RGS7: variants seen among roughly 807,000 people sequenced by gnomAD.
RGS7 encodes regulator of G-protein signaling 7.
Under a neutral mutation model 81.1 loss-of-function variants are expected in RGS7, and 27 were observed. The observed-to-expected ratio is 0.33, with a 90% CI of 0.25 to 0.46. The LOEUF is 0.46. Among genes scored for constraint, RGS7 ranks in the 20% least tolerant of loss-of-function variants. The pLI, the probability that RGS7 is intolerant of heterozygous loss-of-function variation, is 1.00. For synonymous variants in RGS7, 208 were observed against 207.7 expected (o/e 1.00, Z -0.01); for missense variants, 396 against 607.4 (o/e 0.65, Z 3.66).
chr1:241,351,855 A>G (rs1444527864), intron 2 of RGS7, among the ~76,000 whole-genome samples: 1 of 152,196 alleles, frequency 6.6e-6, no homozygotes, highest in African/African-American at 2.4e-5. Context: ...TTCTTTTCTG[A>G]CAGCTTGAGC....
intron 13 of RGS7, 150 bp from the exon 14 acceptor site, chr1:240,812,193 A>G (rs1689965905): frequency 2.6e-6 from 2 of 779,940 alleles, no homozygotes; most frequent in African/African-American, 3.5e-5. Flanking sequence ...ACGGCTCTGC[A>G]TGAAATCATC....
chr1:241,118,750 A>G (rs2066041053), intron 2 of RGS7, among the ~76,000 whole-genome samples: 1 of 152,144 alleles, frequency 6.6e-6, no homozygotes, highest in South Asian at 2.1e-4. Context: ...AGCAACATGG[A>G]GGAGAGGGGG....
chr1:241,219,330 CTT>C (rs781556223), intron 2 of RGS7, among the ~76,000 whole-genome samples: 11 of 152,188 alleles, frequency 7.2e-5, no homozygotes, highest in Admixed American at 6.5e-4. Flanking sequence ...AGCTCTCTCT[CTT>C]TGCCTGCTGC....
intron 2 of RGS7, among the ~76,000 whole-genome samples, chr1:241,307,854 A>G (rs973470698): frequency 6.6e-6 from 1 of 152,200 alleles, no homozygotes; most frequent in African/African-American, 2.4e-5. Context: ...CCCAAGCTCC[A>G]TAACATTGGG....
intron 6 of RGS7, among the ~76,000 whole-genome samples, chr1:240,907,870 T>C (rs1445273065): frequency 1.3e-5 from 2 of 152,170 alleles, no homozygotes; most frequent in African/African-American, 2.4e-5. Context: ...CTTGAGAGAA[T>C]GGAATTTTCA....
At chr1:240,801,701 T>C (rs1327697012) in intron 16 of RGS7, among the ~76,000 whole-genome samples, 193 bp from the exon 17 acceptor site, 1 of 152,182 alleles carries the variant, frequency 6.6e-6, no homozygotes, top group Non-Finnish European at 1.5e-5. Context: ...ACATGGGCTC[T>C]GCTTACACCA....
intron 6 of RGS7, among the ~76,000 whole-genome samples, chr1:240,924,072 C>T (rs1387582001): frequency 6.6e-6 from 1 of 152,120 alleles, no homozygotes; most frequent in African/African-American, 2.4e-5. Flanking sequence ...TTCCCCAAAA[C>T]AAAACTTTGG....
At chr1:240,957,089 T>C (rs1164706742) in intron 4 of RGS7, among the ~76,000 whole-genome samples, 1 of 152,144 alleles carries the variant, frequency 6.6e-6, no homozygotes, top group Non-Finnish European at 1.5e-5. Flanking sequence ...GATTAACATT[T>C]GAGGCAGTGG....
At chr1:241,128,742 T>C (rs1209508661) in intron 2 of RGS7, among the ~76,000 whole-genome samples, 3 of 140,960 alleles carry the variant, frequency 2.1e-5, no homozygotes, top group Non-Finnish European at 3.0e-5. Flanking sequence ...AGAAATTGAG[T>C]ATTTAAATGC....
chr1:241,194,741 A>G (rs1558177010), intron 2 of RGS7, among the ~76,000 whole-genome samples: 1 of 152,208 alleles, frequency 6.6e-6, no homozygotes, highest in African/African-American at 2.4e-5. Context: ...AGAGCCATCA[A>G]GGTAAAGAGG....
intron 2 of RGS7, among the ~76,000 whole-genome samples, chr1:241,211,577 G>C (rs1558193594): frequency 6.6e-6 from 1 of 152,144 alleles, no homozygotes; most frequent in Non-Finnish European, 1.5e-5. Context: ...TACTCATAAA[G>C]GTTGGCTGAA....
intron 2 of RGS7, among the ~76,000 whole-genome samples, chr1:241,291,570 C>CTTTTTTTTT (rs397947911): frequency 0.01 from 953 of 94,000 alleles, 66 homozygotes; most frequent in African/African-American, 0.038. Flanking sequence ...GAATTCCCAG[C>CTTTTTTTTT]TTTTTTTTTT....
chr1:241,179,861 G>A (rs567218283), intron 2 of RGS7, among the ~76,000 whole-genome samples: 100 of 93,936 alleles, frequency 1.1e-3, no homozygotes, highest in Middle Eastern at 5.2e-3. Context: ...ATACACACAT[G>A]AGGCACTTTG....
At chr1:240,927,181 C>T (rs933576394) in intron 6 of RGS7, among the ~76,000 whole-genome samples, 9 of 152,158 alleles carry the variant, frequency 5.9e-5, no homozygotes, top group African/African-American at 2.2e-4. Context: ...ATTCTCCTGA[C>T]TCGGCCTCCC....
chr1:241,349,726 G>C (rs2083117864), intron 2 of RGS7, among the ~76,000 whole-genome samples: 1 of 152,174 alleles, frequency 6.6e-6, no homozygotes, highest in Non-Finnish European at 1.5e-5. Flanking sequence ...GAGTAACCCT[G>C]ACATCCATAT....
At chr1:240,909,606 C>T (rs1288021006) in intron 6 of RGS7, among the ~76,000 whole-genome samples, 1 of 152,176 alleles carries the variant, frequency 6.6e-6, no homozygotes, top group African/African-American at 2.4e-5. Flanking sequence ...GCAAGGCTGG[C>T]TTACAGAGCA....
At chr1:241,104,300 T>G (rs911146459) in intron 2 of RGS7, among the ~76,000 whole-genome samples, 3 of 152,198 alleles carry the variant, frequency 2.0e-5, no homozygotes, top group Non-Finnish European at 4.4e-5. Flanking sequence ...TGCAAATATT[T>G]GTTAGACGCA....
intron 2 of RGS7, among the ~76,000 whole-genome samples, chr1:241,184,605 T>C (rs1283184118): frequency 6.6e-6 from 1 of 152,226 alleles, no homozygotes; most frequent in Non-Finnish European, 1.5e-5. Context: ...CATAAGGATG[T>C]AACACAAACT....
intron 3 of RGS7, among the ~76,000 whole-genome samples, chr1:241,061,456 G>A (rs902826999): frequency 1.3e-5 from 2 of 152,154 alleles, no homozygotes; most frequent in Non-Finnish European, 1.5e-5. Context: ...AGAGCTTTAC[G>A]ATCTCCTTAC....
Sources: gnomAD v4.1 joint callset for allele counts (sites outside exome capture counted in the v4.1 genomes callset) on GRCh38, gnomAD v4.1.1 for gene constraint, MANE v1.5 for transcripts, NCBI Gene and HGNC (gene_info 2026-07-23, HGNC 2026-07-21) for gene names.